The following ZSCAN25 variants were observed in gnomAD, a reference collection of about 807,000 sequenced individuals.
The protein encoded by ZSCAN25 is zinc finger and SCAN domain containing 25, also known as zinc finger and SCAN domain-containing protein 25.
Under a neutral mutation model 38.7 loss-of-function variants are expected in ZSCAN25, and 27 were observed. The observed-to-expected ratio is 0.70, with a 90% CI of 0.51 to 0.96. The LOEUF is 0.96. Ranked by LOEUF, ZSCAN25 falls within the 40% of genes least tolerant of loss-of-function variation. The pLI is 0.00. For synonymous variants in ZSCAN25, 273 were observed against 277.7 expected, an observed-to-expected ratio of 0.98 and a Z score of 0.17; for missense variants, 637 against 705.9, an observed-to-expected ratio of 0.90 and a Z score of 1.11.
chr7:99,712,409 A>T, the ZSCAN25 span, among the ~76,000 whole-genome samples: 1 of 152,232 alleles, frequency 6.6e-6, no homozygotes, highest in African/African-American at 2.4e-5. Context: ...GGTAGCCACT[A>T]TTGACATGTG....
the ZSCAN25 span, among the ~76,000 whole-genome samples, chr7:99,691,876 G>A: frequency 2.6e-5 from 4 of 151,960 alleles, no homozygotes; most frequent in South Asian, 2.1e-4. Context: ...TTTTAATTGG[G>A]GCATTTAGCC....
chr7:99,682,507 A>G, the ZSCAN25 span, among the ~76,000 whole-genome samples: 1 of 152,246 alleles, frequency 6.6e-6, no homozygotes, highest in African/African-American at 2.4e-5. Flanking sequence ...TACAAGTACC[A>G]TACTGTTTTG....
At chr7:99,730,871 T>C in the ZSCAN25 span, 2 of 688,252 alleles carry the variant, frequency 2.9e-6, no homozygotes, top group Non-Finnish European at 2.3e-6. Context: ...TGAGGCAAAC[T>C]TGAGGTTCCT....
chr7:99,709,115 C>T, the ZSCAN25 span: 1 of 1,613,898 alleles, frequency 6.2e-7, no homozygotes, highest in East Asian at 2.2e-5. Flanking sequence ...TCACCACCAC[C>T]CCTTTGGGAA....
chr7:99,664,032 G>T, the ZSCAN25 span: 1 of 1,600,024 alleles, frequency 6.2e-7, no homozygotes, highest in Non-Finnish European at 8.5e-7. Context: ...AAAATTTATG[G>T]TATCTTTTGG....
the ZSCAN25 span, among the ~76,000 whole-genome samples, chr7:99,728,249 T>C: frequency 6.6e-6 from 1 of 152,200 alleles, no homozygotes; most frequent in Middle Eastern, 3.2e-3. Context: ...TACAAGCAAC[T>C]AGCCCCCTCC....
the ZSCAN25 span, among the ~76,000 whole-genome samples, chr7:99,725,276 A>T: frequency 6.6e-6 from 1 of 152,110 alleles, no homozygotes; most frequent in Non-Finnish European, 1.5e-5. Flanking sequence ...GCATTTTATG[A>T]CCCAATCCTC....
At chr7:99,655,441 T>TCTGTTTTGGTACCAGTACCATG in the ZSCAN25 span, among the ~76,000 whole-genome samples, 1 of 152,204 alleles carries the variant, frequency 6.6e-6, no homozygotes, top group Non-Finnish European at 1.5e-5. Flanking sequence ...GATCAATATC[T>TCTGTTTTGGTACCAGTACCATG]CTGTTTTGGT....
chr7:99,708,915 A>G, the ZSCAN25 span: 15 of 1,189,990 alleles, frequency 1.3e-5, no homozygotes, highest in South Asian at 1.7e-4. Context: ...ATTTGAAAAA[A>G]CCTTTTAAAC....
chr7:99,620,359 G>C (rs1322837041), intron 4 of ZSCAN25: 2 of 208,642 alleles, frequency 9.6e-6, no homozygotes, highest in Non-Finnish European at 1.9e-5. Context: ...TCCCACCTGG[G>C]GAATATTTTT....
At chr7:99,680,377 G>T in the ZSCAN25 span, among the ~76,000 whole-genome samples, 4 of 152,100 alleles carry the variant, frequency 2.6e-5, no homozygotes. Flanking sequence ...AGCCCAGCCA[G>T]ACAGACCCCT....
At chr7:99,661,759 A>G in the ZSCAN25 span, among the ~76,000 whole-genome samples, 4 of 152,212 alleles carry the variant, frequency 2.6e-5, no homozygotes, top group African/African-American at 9.6e-5. Flanking sequence ...TCAACCATCC[A>G]ATTATTTTAC....
chr7:99,698,059 T>C, the ZSCAN25 span, among the ~76,000 whole-genome samples: 1 of 112,160 alleles, frequency 8.9e-6, no homozygotes, highest in Admixed American at 1.0e-4. Flanking sequence ...GCAAACTGTT[T>C]AGTTTCTTTC....
At chr7:99,665,724 A>G in the ZSCAN25 span, among the ~76,000 whole-genome samples, 7 of 152,092 alleles carry the variant, frequency 4.6e-5, no homozygotes, top group African/African-American at 7.2e-5. Context: ...CTGACTACAG[A>G]CTCTATGCCC....
chr7:99,715,915 A>C, the ZSCAN25 span: 967 of 1,613,474 alleles, frequency 6.0e-4, 1 homozygote, highest in Non-Finnish European at 7.9e-4. Flanking sequence ...CGCTGAGTGG[A>C]GAAAGATGTG....
At chr7:99,723,741 C>T in the ZSCAN25 span, among the ~76,000 whole-genome samples, 1 of 152,150 alleles carries the variant, frequency 6.6e-6, no homozygotes, top group African/African-American at 2.4e-5. Flanking sequence ...TTCTCTTCTC[C>T]AACCTCTCTT....
At chr7:99,649,684 A>G in the ZSCAN25 span, among the ~76,000 whole-genome samples, 1 of 152,332 alleles carries the variant, frequency 6.6e-6, no homozygotes, top group East Asian at 1.9e-4. Context: ...ATATACAGCT[A>G]GTGGTTGAGA....
the ZSCAN25 span, chr7:99,714,738 C>A: frequency 1.4e-5 from 22 of 1,591,312 alleles, no homozygotes; most frequent in South Asian, 2.5e-4. Flanking sequence ...ACAAAATTTA[C>A]CTGGAGCAAT....
chr7:99,651,974 A>C, the ZSCAN25 span, among the ~76,000 whole-genome samples: 1 of 152,070 alleles, frequency 6.6e-6, no homozygotes, highest in Non-Finnish European at 1.5e-5. Flanking sequence ...CTCAGCCTGC[A>C]CTCTTATAAT....
Sources: allele counts gnomAD v4.1 joint callset (sites outside exome capture counted in the v4.1 genomes callset), GRCh38; gene constraint gnomAD v4.1.1; transcripts MANE v1.5; gene names NCBI Gene and HGNC (gene_info 2026-07-23, HGNC 2026-07-21).